ADGB: variants seen among roughly 807,000 people sequenced by gnomAD.
The protein encoded by ADGB is calpain-7-like protein.
ADGB carries 172 observed loss-of-function variants against 210.5 expected under a neutral mutation model. That is an observed-to-expected ratio of 0.82 (90% CI 0.72 to 0.93). ADGB has a LOEUF of 0.93. Among genes scored for constraint, ADGB ranks in the 40% least tolerant of loss-of-function variants. The probability of loss-of-function intolerance (pLI) is 0.00; values close to 1 mark genes in which losing one functional copy is unlikely to be tolerated. For missense variants in ADGB, 2,025 were observed against 1,964.8 expected (o/e 1.03, Z -0.58); for synonymous variants, 658 against 662.7 (o/e 0.99, Z 0.11).
At chr6:146,734,139 C>T (rs1183791669) in intron 22 of ADGB, 109 bp downstream of exon 22, 9 of 1,063,108 alleles carry the variant, frequency 8.5e-6, no homozygotes, top group Non-Finnish European at 1.2e-5. Flanking sequence ...TAATTAATTT[C>T]AGTCCTCTAA....
At chr6:146,776,043 A>G (rs183967132) in intron 29 of ADGB, among the ~76,000 whole-genome samples, 17 of 152,178 alleles carry the variant, frequency 1.1e-4, no homozygotes, top group Admixed American at 9.8e-4. Flanking sequence ...TCCACTGAAG[A>G]TTTCTGTCTA....
At chr6:146,710,888 A>G (rs1230199752) in intron 13 of ADGB, among the ~76,000 whole-genome samples, 1 of 152,104 alleles carries the variant, frequency 6.6e-6, no homozygotes, top group African/African-American at 2.4e-5. Flanking sequence ...AGGCTTCATG[A>G]GGGCAGAGAT....
intron 1 of ADGB, chr6:146,600,330 T>G (rs1780535197): frequency 3.8e-6 from 1 of 263,534 alleles, no homozygotes; most frequent in Admixed American, 3.7e-5. Flanking sequence ...TCCATTCCTC[T>G]AGGTCCAAGG....
intron 14 of ADGB, among the ~76,000 whole-genome samples, chr6:146,716,579 G>A (rs1011876245): frequency 2.0e-5 from 2 of 99,766 alleles, no homozygotes; most frequent in Non-Finnish European, 3.3e-5. Context: ...CCACCTGGGC[G>A]ACAGAGCGAG....
chr6:146,671,678 G>T (rs1419872783), intron 7 of ADGB, among the ~76,000 whole-genome samples: 1 of 152,080 alleles, frequency 6.6e-6, no homozygotes, highest in Non-Finnish European at 1.5e-5. Context: ...GGAGAGCTGT[G>T]GGAAAAGAAT....
intron 1 of ADGB, among the ~76,000 whole-genome samples, chr6:146,631,161 A>G (rs1781059367): frequency 1.3e-5 from 2 of 152,226 alleles, no homozygotes; most frequent in Admixed American, 1.3e-4. Context: ...AGGAAATCCA[A>G]ATCCTAACAG....
At chr6:146,675,335 T>G (rs1776070679) in intron 8 of ADGB, among the ~76,000 whole-genome samples, 2 of 151,990 alleles carry the variant, frequency 1.3e-5, no homozygotes, top group African/African-American at 4.8e-5. Flanking sequence ...ATTAGCAAGT[T>G]GTGGTGGTGC....
At chr6:146,767,186 A>G (rs1777588296) in intron 28 of ADGB, among the ~76,000 whole-genome samples, 1 of 152,200 alleles carries the variant, frequency 6.6e-6, no homozygotes, top group African/African-American at 2.4e-5. Context: ...AATGCTTGCT[A>G]TAATTGTTAG....
At chr6:146,672,628 GAAGT>G (rs1776025739) in intron 8 of ADGB, among the ~76,000 whole-genome samples, 161 bp downstream of exon 8, 1 of 152,080 alleles carries the variant, frequency 6.6e-6, no homozygotes, top group African/African-American at 2.4e-5. Flanking sequence ...GTCACAGAAT[GAAGT>G]AAGAAGAGAT....
chr6:146,695,513 T>C (rs1007490948), intron 12 of ADGB, among the ~76,000 whole-genome samples: 3 of 152,160 alleles, frequency 2.0e-5, no homozygotes, highest in Admixed American at 6.5e-5. Context: ...TTAAAATATT[T>C]TGAAGCACCT....
chr6:146,811,684 G>A (rs185043713), intron 35 of ADGB, among the ~76,000 whole-genome samples: 1 of 151,720 alleles, frequency 6.6e-6, no homozygotes, highest in East Asian at 1.9e-4. Context: ...GTTTTGTTTT[G>A]TTTTTGAGAT....
At chr6:146,718,030 AT>A (rs1221093161) in intron 16 of ADGB, among the ~76,000 whole-genome samples, 1 of 151,942 alleles carries the variant, frequency 6.6e-6, no homozygotes. Context: ...CATCCCTGTT[AT>A]CCTCATTGCT....
intron 17 of ADGB, among the ~76,000 whole-genome samples, chr6:146,721,724 G>A (rs545826329): frequency 8.9e-4 from 136 of 152,248 alleles, no homozygotes; most frequent in African/African-American, 3.2e-3. Flanking sequence ...TGTATTCCCA[G>A]CTACTCAGGA....
intron 22 of ADGB, among the ~76,000 whole-genome samples, chr6:146,735,200 G>A (rs1015064702): frequency 6.6e-6 from 1 of 152,112 alleles, no homozygotes; most frequent in African/African-American, 2.4e-5. Flanking sequence ...ATATGCATTC[G>A]TCAAACTCAA....
intron 12 of ADGB, among the ~76,000 whole-genome samples, chr6:146,694,867 T>G (rs532309055): frequency 6.6e-6 from 1 of 152,314 alleles, no homozygotes; most frequent in African/African-American, 2.4e-5. Context: ...ATTAGCCTTC[T>G]GTCACTTGGA....
chr6:146,775,530 A>G (rs1371137129), intron 29 of ADGB, among the ~76,000 whole-genome samples: 2 of 152,202 alleles, frequency 1.3e-5, no homozygotes, highest in African/African-American at 2.4e-5. Flanking sequence ...GCCTTCATGT[A>G]TAATTACTGG....
chr6:146,691,162 G>A lies in ADGB; in HGVS notation c.1358G>A (p.Cys453Tyr), dbSNP rs1451122434. ...KLREYGLSHICSHPVLVTRSR... is the reference protein window; with the variant it reads ...KLREYGLSHIYSHPVLVTRSR... ...AGAGAATATGGGCTTTCCCACATCT[G>A]TAGCCATCCTGTGCTGGTGACTAGA... Residue 453 changes from cysteine (C) to tyrosine (Y), a missense_variant, in exon 11 of 36, where the codon TGT becomes TAT. Cys to Tyr is a radical substitution (Grantham distance 194, BLOSUM62 -2). Transcript: ENST00000397944. 3 of 1,549,224 alleles carry A rather than the reference G, an allele frequency of 1.9e-6. No homozygotes were observed. The highest frequency in any genetic ancestry group is 2.6e-6 in the Non-Finnish European group (3 of 1,146,104).
rs1781003481 is a variant in ADGB, at chr6:146,628,014, G to A, written c.75-7361G>A. On this transcript the variant is annotated intron_variant, in intron 1 of 35. Transcript: ENST00000397944. ...TTGTCCAGATTTTGTGTTGTCTTAG[G>A]TGACAAAAATCCAGTCCTTGTGACT... Among the ~76,000 whole-genome samples the A allele has an allele frequency of 4.6e-5, 7 of 151,996 alleles. 1 individual carries two copies. The South Asian group carries it at 1.4e-3, about 31-fold the overall frequency.
chr6:146,704,911 T>A (rs2114549483), intron 13 of ADGB, among the ~76,000 whole-genome samples: 1 of 152,238 alleles, frequency 6.6e-6, no homozygotes, highest in African/African-American at 2.4e-5. Context: ...AATCTGTACA[T>A]TGCTTTGGCT....
Sources: allele counts gnomAD v4.1 joint callset (sites outside exome capture counted in the v4.1 genomes callset), GRCh38; gene constraint gnomAD v4.1.1; transcripts MANE v1.5; gene names NCBI Gene and HGNC (gene_info 2026-07-23, HGNC 2026-07-21).